Variants in ZNF280D observed in about 807,000 individuals in gnomAD.
ZNF280D encodes the protein suppressor of hairy wing homolog 4.
ZNF280D carries 39 observed loss-of-function variants against 94.7 expected under a neutral mutation model. The ratio of observed to expected loss-of-function variants is 0.41; its 90% CI spans 0.32 to 0.54. The LOEUF (loss-of-function observed/expected upper bound fraction) is 0.54. Ranked by LOEUF, ZNF280D falls within the 20% of genes least tolerant of loss-of-function variation. ZNF280D has a pLI of 0.22. For synonymous variants in ZNF280D, 398 were observed against 377.6 expected (o/e 1.05, Z -0.63); for missense variants, 1,090 against 1,149.3 (o/e 0.95, Z 0.75).
chr15:56,654,282 G>C, intron 18 of ZNF280D, 48 bp from the exon 19 acceptor site: 1 of 1,600,636 alleles, frequency 6.2e-7, no homozygotes, highest in Non-Finnish European at 8.5e-7. Context: ...TATGAAATAT[G>C]ATGAGTGAGA....
chr15:56,646,226 C>G lies in ZNF280D; in HGVS notation c.2214-3229G>C, dbSNP rs947268735. On this transcript the variant is annotated intron_variant, in intron 19 of 21. Coordinates refer to ENST00000267807, the MANE Select transcript of ZNF280D (RefSeq NM_017661.4). ...ATAGCTTGAGACCAGGAGTTTGAGA[C>G]CAGCCTGGGCAACATAGTGAGACCT... Among the ~76,000 whole-genome samples, 6 of 152,104 alleles carry G rather than the reference C, an allele frequency of 3.9e-5. No homozygotes were observed. The South Asian group carries it at 1.2e-3, about 32-fold the overall frequency.
At chr15:56,638,357 G>C (rs1271228244) in intron 20 of ZNF280D, among the ~76,000 whole-genome samples, 2 of 152,118 alleles carry the variant, frequency 1.3e-5, no homozygotes, top group Admixed American at 6.6e-5. Flanking sequence ...CAGACAAACA[G>C]ATTTTGATGT....
At chr15:56,713,611 C>A (rs571960907) in intron 1 of ZNF280D, among the ~76,000 whole-genome samples, 7 of 152,218 alleles carry the variant, frequency 4.6e-5, no homozygotes, top group African/African-American at 1.7e-4. Flanking sequence ...ATGAATAGAG[C>A]TTAAAGGATA....
intron 9 of ZNF280D, among the ~76,000 whole-genome samples, chr15:56,684,522 G>A (rs1171783078): frequency 3.3e-5 from 5 of 151,722 alleles, no homozygotes; most frequent in African/African-American, 1.2e-4. Flanking sequence ...CAAAATCAAG[G>A]GTGAAAGTAT....
Position 56,678,682 on chromosome 15 carries a change from T to A in ZNF280D, c.1144A>T (p.Thr382Ser). Residue 382 changes from threonine (T) to serine (S), a missense_variant, in exon 11 of 22, where the codon ACG becomes TCG. Transcript: ENST00000267807. The stretch of plus-strand genomic sequence containing the variant: ...AACTTACTAGAAAATTCATGGGGCG[T>A]ATGTGTACTTTCGATGTGACACTGC... ...QLQCHIESTH[T>S]PHEFSTICKI... 6.2e-7 allele frequency: 1 copy of A among 1,610,604 alleles called. No homozygotes were observed. Among genetic ancestry groups the A allele is most frequent in the Non-Finnish European group, 8.5e-7 (1 of 1,178,468 alleles).
chr15:56,658,393 T>C (rs370684489), intron 17 of ZNF280D, 31 bp downstream of exon 17: 37 of 1,537,054 alleles, frequency 2.4e-5, no homozygotes, highest in Middle Eastern at 3.4e-4. Context: ...AATTTTTCAA[T>C]AGAAAGAGTA....
chr15:56,673,932 G>C lies in ZNF280D; in HGVS notation c.1410+2738C>G, dbSNP rs956323619. 2.0e-5 allele frequency among the ~76,000 whole-genome samples: 3 copies of C among 151,962 alleles called. No individual in the cohort carries two copies. In the East Asian group the frequency reaches 5.8e-4, roughly 29 times the overall value. On this transcript the variant is annotated intron_variant, in intron 13 of 21. Transcript: ENST00000267807. ...ACTCCTACCACCTCCCCAATCTTTA[G>C]CACTCCTCATCTTCCACATTTTCTC...
chr15:56,660,509 T>C (rs181007828), intron 16 of ZNF280D, among the ~76,000 whole-genome samples: 3 of 152,196 alleles, frequency 2.0e-5, no homozygotes, highest in Non-Finnish European at 1.5e-5. Flanking sequence ...CTTATAGTTT[T>C]GTGTATCACA....
rs2052345523 is a variant in ZNF280D, at chr15:56,636,233, G to A, written c.2260-983C>T. On this transcript the variant is annotated intron_variant, in intron 20 of 21. Transcript: ENST00000267807. ...GAAACAGGAAAGTCATTGGAAGAGT[G>A]GTTACTGATTTAGCAGTATGGAGGA... is the stretch of plus-strand genomic sequence containing the variant. Among the ~76,000 whole-genome samples, 4 of 152,142 alleles carry A rather than the reference G, an allele frequency of 2.6e-5. No individual in the cohort carries two copies. In the South Asian group the frequency reaches 8.3e-4, roughly 31 times the overall value.
At chr15:56,683,602 T>G (rs1478148499) in intron 9 of ZNF280D, among the ~76,000 whole-genome samples, 1 of 152,202 alleles carries the variant, frequency 6.6e-6, no homozygotes, top group Non-Finnish European at 1.5e-5. Flanking sequence ...CATTCTTATC[T>G]TTACTCCTCC....
chr15:56,690,991 C>A (rs139061997), intron 7 of ZNF280D, among the ~76,000 whole-genome samples: 5,681 of 152,162 alleles, frequency 0.037, 361 homozygotes, highest in Admixed American at 0.16. Flanking sequence ...TTTCTCTAAG[C>A]CTCAGTTTGC....
chr15:56,668,309 T>C (rs1742855728), intron 14 of ZNF280D: 1 of 372,718 alleles, frequency 2.7e-6, no homozygotes, highest in Admixed American at 3.5e-5. Context: ...ATTACAATCA[T>C]CAGTATGCAG....
chr15:56,697,191 T>C (rs1455312975), intron 6 of ZNF280D, among the ~76,000 whole-genome samples: 1 of 145,792 alleles, frequency 6.9e-6, no homozygotes, highest in Non-Finnish European at 1.5e-5. Context: ...CACCTATTAC[T>C]TTTTTTTTTT....
At chr15:56,666,348 C>T in intron 16 of ZNF280D, 47 bp downstream of exon 16, 1 of 1,581,676 alleles carries the variant, frequency 6.3e-7, no homozygotes, top group African/African-American at 1.4e-5. Context: ...CAGAAACTTG[C>T]TGAACTATAA....
intron 6 of ZNF280D, among the ~76,000 whole-genome samples, chr15:56,694,870 A>G (rs2056653151): frequency 6.6e-6 from 1 of 152,214 alleles, no homozygotes; most frequent in African/African-American, 2.4e-5. Context: ...TTGTGATAAG[A>G]TGTTAAAATA....
chr15:56,667,090 C>A, intron 14 of ZNF280D, 104 bp from the exon 15 acceptor site: 1 of 815,856 alleles, frequency 1.2e-6, no homozygotes, highest in Non-Finnish European at 1.8e-6. Context: ...TTGAAAAAAG[C>A]ACATATAAAC....
chr15:56,684,538 A>G (rs1296827620), intron 9 of ZNF280D, among the ~76,000 whole-genome samples: 1 of 152,176 alleles, frequency 6.6e-6, no homozygotes, highest in Admixed American at 6.5e-5. Flanking sequence ...AGTATAGGAA[A>G]AAAATAAAAT....
At chr15:56,679,100 T>TA (rs1218397850) in intron 10 of ZNF280D, among the ~76,000 whole-genome samples, 2 of 152,142 alleles carry the variant, frequency 1.3e-5, no homozygotes. Context: ...TCAGATTATT[T>TA]AAAAAATTTT....
chr15:56,695,200 G>T lies in ZNF280D; in HGVS notation c.382-1985C>A, dbSNP rs144369654. Among the ~76,000 whole-genome samples the T allele has an allele frequency of 2.1e-3, 326 of 152,148 alleles. 2 individuals carry two copies. The highest frequency in any genetic ancestry group is 7.5e-3 in the African/African-American group (310 of 41,500). ...TGACTCTCCTGTCTCAGCCTCCTGA[G>T]TAGCTGGGACTACAGGCTCATGCCA... On this transcript the variant is annotated intron_variant, in intron 6 of 21. Transcript: ENST00000267807.
Sources: gnomAD v4.1 joint callset for allele counts (sites outside exome capture counted in the v4.1 genomes callset) on GRCh38, gnomAD v4.1.1 for gene constraint, MANE v1.5 for transcripts, NCBI Gene and HGNC (gene_info 2026-07-23, HGNC 2026-07-21) for gene names.